The following ZNF618 variants were observed in gnomAD, a reference collection of about 807,000 sequenced individuals.
ZNF618 encodes the protein zinc finger protein 618, also known as neural precursor cell expressed, developmentally down-regulated 10.
ZNF618 carries 34 observed loss-of-function variants against 103.0 expected under a neutral mutation model. The observed-to-expected ratio is 0.33, with a 90% CI of 0.25 to 0.44. The LOEUF (loss-of-function observed/expected upper bound fraction) is 0.44, where lower values mean the gene tolerates loss of function less well. Ranked by LOEUF, ZNF618 falls within the 20% of genes least tolerant of loss-of-function variation. ZNF618 has a pLI of 1.00. For missense variants in ZNF618, 1,059 were observed against 1,295.4 expected (o/e 0.82, Z 2.80); for synonymous variants, 551 against 542.2 (o/e 1.02, Z -0.23).
At chr9:114,022,752 C>G (rs982596017) in intron 10 of ZNF618, among the ~76,000 whole-genome samples, 7 of 151,904 alleles carry the variant, frequency 4.6e-5, no homozygotes, top group African/African-American at 1.7e-4. Flanking sequence ...ATTCTCAACT[C>G]TAATGGTGGA....
intron 13 of ZNF618, 28 bp downstream of exon 13, chr9:114,036,405 T>G (rs1320114509): frequency 6.4e-7 from 1 of 1,555,174 alleles, no homozygotes. Context: ...TCTCTCCCCC[T>G]CTCCTTCCTC....
intron 10 of ZNF618, among the ~76,000 whole-genome samples, chr9:114,027,280 G>A (rs898534806): frequency 6.6e-6 from 1 of 152,230 alleles, no homozygotes; most frequent in Admixed American, 6.5e-5. Flanking sequence ...CCCAAGAGTG[G>A]CAGCTCAGGT....
chr9:114,049,959 C>T lies in ZNF618; in HGVS notation c.2657C>T (p.Thr886Ile). 1 of 1,613,994 alleles carries T rather than the reference C, an allele frequency of 6.2e-7. No individual in the cohort carries two copies. The highest frequency in any genetic ancestry group is 2.2e-5 in the East Asian group (1 of 44,880). ...DYLQEPLFQA[T>I]PDLFQYWSCV... Reference sequence around the variant, plus strand: ...CTGCAGGAGCCCCTCTTCCAGGCTACCCCTGATCTCTTCCAGTACTGGTCG... The same window carrying T: ...CTGCAGGAGCCCCTCTTCCAGGCTATCCCTGATCTCTTCCAGTACTGGTCG... Residue 886 changes from threonine (T) to isoleucine (I), a missense_variant, in exon 15 of 15, where the codon ACC becomes ATC. Physicochemically the swap from Thr to Ile is moderately conservative, Grantham distance 89 (BLOSUM62 -1). Around this residue, in one of 6 missense-constraint regions of ZNF618, gnomAD observed 156 missense variants for 197.1 expected, o/e 0.79. Transcript: ENST00000374126.
intron 1 of ZNF618, among the ~76,000 whole-genome samples, chr9:113,888,974 G>A (rs1829339395): frequency 6.6e-6 from 1 of 152,172 alleles, no homozygotes; most frequent in Non-Finnish European, 1.5e-5. Context: ...AGTGCTGATT[G>A]CCAGGGTTCC....
chr9:114,048,692 A>C lies in ZNF618; in HGVS notation c.1390A>C (p.Lys464Gln). ...AACACCCAACAGCATGATCCCCGAA[A>C]AGGAGCGGCAGAACATCGCAGAGCG... The part of the protein sequence containing the change: ...GLTPNSMIPE[K>Q]ERQNIAERLL... The change falls in exon 15 of 15, where the codon AAG (lysine) becomes CAG (glutamine). Residue 464 changes from lysine (K) to glutamine (Q), a missense_variant. Around this residue, in one of 6 missense-constraint regions of ZNF618, gnomAD observed 434 missense variants for 476.0 expected, o/e 0.91. Coordinates refer to ENST00000374126, the MANE Select transcript of ZNF618 (RefSeq NM_001318042.2). The C allele has an allele frequency of 6.2e-7, 1 of 1,613,820 alleles. No homozygotes were observed. Among genetic ancestry groups the C allele is most frequent in the Non-Finnish European group, 8.5e-7 (1 of 1,179,764 alleles).
chr9:113,881,764 T>G (rs1252924256), intron 1 of ZNF618, among the ~76,000 whole-genome samples: 1 of 152,248 alleles, frequency 6.6e-6, no homozygotes, highest in Non-Finnish European at 1.5e-5. Flanking sequence ...TCACATGCTC[T>G]GAGGCATTTC....
intron 9 of ZNF618, among the ~76,000 whole-genome samples, chr9:114,012,035 A>AG (rs1554756430): frequency 6.6e-6 from 1 of 151,940 alleles, no homozygotes; most frequent in Non-Finnish European, 1.5e-5. Context: ...AAAAAAAAAA[A>AG]AGAGAGAACT....
At chr9:114,023,054 T>C (rs952378691) in intron 10 of ZNF618, among the ~76,000 whole-genome samples, 2 of 152,108 alleles carry the variant, frequency 1.3e-5, no homozygotes, top group African/African-American at 2.4e-5. Flanking sequence ...TATAGTTGGT[T>C]CTTATGCCTT....
intron 2 of ZNF618, among the ~76,000 whole-genome samples, chr9:113,981,614 C>G (rs1197678939): frequency 2.6e-5 from 4 of 152,188 alleles, no homozygotes; most frequent in African/African-American, 9.7e-5. Flanking sequence ...CGCCATACTC[C>G]CAGGCACCTA....
chr9:113,996,812 T>C (rs1840645715), intron 3 of ZNF618, among the ~76,000 whole-genome samples: 1 of 152,140 alleles, frequency 6.6e-6, no homozygotes, highest in Non-Finnish European at 1.5e-5. Flanking sequence ...TGCTGCCCTG[T>C]AGCATTTAAG....
chr9:113,916,072 CTG>C (rs34639802), intron 1 of ZNF618, among the ~76,000 whole-genome samples: 84,480 of 149,684 alleles, frequency 0.56, 23,985 homozygotes, highest in East Asian at 0.66. Context: ...GCGCGTGTGT[CTG>C]TGTGTGTGTG....
At chr9:113,962,159 G>C (rs1315985826) in intron 1 of ZNF618, among the ~76,000 whole-genome samples, 2 of 152,190 alleles carry the variant, frequency 1.3e-5, no homozygotes, top group Non-Finnish European at 2.9e-5. Context: ...CTGATGGTTA[G>C]TATTCTCATG....
chr9:114,004,316 C>A (rs865900460), intron 6 of ZNF618, among the ~76,000 whole-genome samples: 1 of 152,202 alleles, frequency 6.6e-6, no homozygotes, highest in South Asian at 2.1e-4. Flanking sequence ...GGGCCCTCCC[C>A]CTCCAGCCCC....
At position 114,027,340 on chromosome 9, in the gene ZNF618, C is replaced by T. The variant is rs115583301; in HGVS notation, c.845-1393C>T. On this transcript the variant is annotated intron_variant, in intron 10 of 14. Transcript: ENST00000374126. ...CAGACTGAGGCCTTGGGATTTGTTT[C>T]TGGGGCTGGGGCGGACAGATGAGGG... Among the ~76,000 whole-genome samples, 1,249 of 152,282 alleles carry T rather than the reference C, an allele frequency of 8.2e-3. 17 individuals carry two copies. The highest frequency in any genetic ancestry group is 0.044 in the East Asian group (227 of 5,168).
At chr9:114,027,583 T>G (rs1843624402) in intron 10 of ZNF618, among the ~76,000 whole-genome samples, 2 of 152,240 alleles carry the variant, frequency 1.3e-5, no homozygotes, top group Admixed American at 1.3e-4. Context: ...GCATCCTGCT[T>G]CTTTGGGCTG....
intron 1 of ZNF618, among the ~76,000 whole-genome samples, chr9:113,908,952 C>G (rs1320101249): frequency 1.3e-5 from 2 of 151,832 alleles, no homozygotes; most frequent in East Asian, 3.9e-4. Flanking sequence ...TTTTAGTCCT[C>G]CTTTTTAGTC....
At chr9:114,003,945 G>T (rs1236643405) in intron 6 of ZNF618, among the ~76,000 whole-genome samples, 1 of 152,162 alleles carries the variant, frequency 6.6e-6, no homozygotes, top group Admixed American at 6.5e-5. Context: ...ATATGTAAAT[G>T]AATTCCTTAC....
chr9:113,951,425 G>GTGTATATATATATACACATACACATATA lies in ZNF618; in HGVS notation c.34-17689_34-17688insATATATATATACACATACACATATATGT, dbSNP rs71367742. Among the ~76,000 whole-genome samples the GTGTATATATATATACACATACACATATA allele has an allele frequency of 8.0e-5, 3 of 37,540 alleles. 1 individual carries two copies. Among genetic ancestry groups the GTGTATATATATATACACATACACATATA allele is most frequent in the Admixed American group, 5.8e-4 (2 of 3,458 alleles). 24.6% of individuals were successfully genotyped at this position (37,540 alleles called of 152,430 possible). A position where few individuals can be genotyped will look rare whatever the true frequency, so the allele number is the denominator to read the frequency against. ...TACGTATATATACACACATATATGT[G>GTGTATATATATATACACATACACATATA]TGTGTGTATATATATACATATATGT... On this transcript the variant is annotated intron_variant, in intron 1 of 14. Coordinates refer to ENST00000374126, the MANE Select transcript of ZNF618 (RefSeq NM_001318042.2).
chr9:113,943,787 T>C (rs1389842603), intron 1 of ZNF618, among the ~76,000 whole-genome samples: 1 of 152,132 alleles, frequency 6.6e-6, no homozygotes, highest in African/African-American at 2.4e-5. Flanking sequence ...TTCCCTGCCC[T>C]GGCCTCGGCT....
Sources: gnomAD v4.1 joint callset for allele counts (sites outside exome capture counted in the v4.1 genomes callset) on GRCh38, gnomAD v4.1.1 for gene constraint, gnomAD v4.1.1 regional missense constraint, MANE v1.5 for transcripts, NCBI Gene and HGNC (gene_info 2026-07-23, HGNC 2026-07-21) for gene names.